COL11A1: variants seen among roughly 807,000 people sequenced by gnomAD.
COL11A1 encodes the protein collagen type XI alpha 1 chain, also known as collagen alpha-1(XI) chain.
Under a neutral mutation model 265.2 loss-of-function variants are expected in COL11A1, and 74 were observed. The ratio of observed to expected loss-of-function variants is 0.28; its 90% CI spans 0.23 to 0.34. The LOEUF is 0.34. COL11A1 is among the 10% of genes least tolerant of loss of function. The pLI is 1.00. For synonymous variants in COL11A1, 816 were observed against 727.6 expected (o/e 1.12, Z -1.96); for missense variants, 2,165 against 2,263.6 (o/e 0.96, Z 0.88).
At chr1:103,059,600 T>G (rs1354946120) in intron 4 of COL11A1, among the ~76,000 whole-genome samples, 1 of 152,102 alleles carries the variant, frequency 6.6e-6, no homozygotes, top group Non-Finnish European at 1.5e-5. Context: ...ATGATTCCCG[T>G]GCTAAGAACT....
intron 3 of COL11A1, among the ~76,000 whole-genome samples, chr1:103,076,406 A>T (rs1362206196): frequency 6.6e-6 from 1 of 152,044 alleles, no homozygotes; most frequent in Non-Finnish European, 1.5e-5. Flanking sequence ...AAAACTATCA[A>T]ATACAATACT....
intron 9 of COL11A1, among the ~76,000 whole-genome samples, chr1:103,021,237 G>C (rs1490994274): frequency 1.3e-5 from 2 of 151,372 alleles, no homozygotes; most frequent in Non-Finnish European, 2.9e-5. Context: ...TTCTTCTGTA[G>C]ATGAAAAGGA....
At chr1:103,103,320 T>G (rs1210693930) in intron 1 of COL11A1, among the ~76,000 whole-genome samples, 1 of 152,016 alleles carries the variant, frequency 6.6e-6, no homozygotes, top group Non-Finnish European at 1.5e-5. Flanking sequence ...ATTTTTTATT[T>G]GAAATAAATA....
At chr1:102,952,593 T>C (rs911148415) in intron 41 of COL11A1, among the ~76,000 whole-genome samples, 4 of 152,182 alleles carry the variant, frequency 2.6e-5, no homozygotes, top group Non-Finnish European at 4.4e-5. Flanking sequence ...AAACAACAGA[T>C]GAAAACAAGA....
At chr1:102,943,479 AC>A (rs760402134) in intron 42 of COL11A1, among the ~76,000 whole-genome samples, 18,736 of 105,076 alleles carry the variant, frequency 0.18, 1,323 homozygotes, top group East Asian at 0.28. Flanking sequence ...ACACACACAC[AC>A]ACACAAACAA....
At chr1:102,926,487 C>T (rs1345570410) in intron 46 of COL11A1, among the ~76,000 whole-genome samples, 1 of 152,018 alleles carries the variant, frequency 6.6e-6, no homozygotes, top group Non-Finnish European at 1.5e-5. Context: ...ATTATAATTG[C>T]TAATATCTAT....
chr1:102,951,202 A>G (rs1659839492), intron 41 of COL11A1, among the ~76,000 whole-genome samples: 1 of 152,160 alleles, frequency 6.6e-6, no homozygotes, highest in South Asian at 2.1e-4. Flanking sequence ...TATTTCTTAT[A>G]CACTTTCTTA....
In COL11A1 at chr1:102,946,921, A is replaced by G. The variant is rs1659351053; in HGVS notation, c.3204T>C (p.Ala1068=). ...SPGERGSAGT[A]GPIGLPGRPG... Reference sequence around the variant, plus strand: ...GGCGCCCTGGTAAACCAATTGGGCCAGCTGTACCTGCTGACCCACGTTCTC... The same window carrying G: ...GGCGCCCTGGTAAACCAATTGGGCCGGCTGTACCTGCTGACCCACGTTCTC... Residue 1068 remains alanine (A), a synonymous_variant, in exon 42 of 67, where the codon GCT becomes GCC. Coordinates refer to ENST00000370096, the MANE Select transcript of COL11A1 (RefSeq NM_001854.4). 6.2e-7 allele frequency: 1 copy of G among 1,613,314 alleles called. No homozygotes were observed.
At position 103,004,671 on chromosome 1, in the gene COL11A1, C is replaced by G. The variant is rs1200960592; in HGVS notation, c.1846-10G>C. 1.2e-6 allele frequency: 2 copies of G among 1,605,992 alleles called. No homozygotes were observed. Among genetic ancestry groups the G allele is most frequent in the African/African-American group, 1.3e-5 (1 of 74,574 alleles). ...GAGGACCTCGTTCACCCTGTTAAAT[C>G]AATACAAATAAGATTAGCATATGGA... On this transcript the variant is annotated splice_polypyrimidine_tract_variant and intron_variant, in intron 18 of 66. Coordinates refer to ENST00000370096, the MANE Select transcript of COL11A1 (RefSeq NM_001854.4).
At chr1:102,913,576 T>A (rs1200327507) in intron 53 of COL11A1, 61 bp downstream of exon 53, 3 of 1,426,482 alleles carry the variant, frequency 2.1e-6, no homozygotes, top group Admixed American at 3.3e-5. Flanking sequence ...CTTCTAATTA[T>A]CTCATTAAAA....
rs564597547 is a variant in COL11A1 at position 103,095,655 on chromosome 1, A to C, written c.106+12418T>G. On this transcript the variant is annotated intron_variant, in intron 1 of 66. Coordinates refer to ENST00000370096, the MANE Select transcript of COL11A1 (RefSeq NM_001854.4). ...TTTCAAAAAATTATCCCCCATACCC[A>C]CTTCCTAATATTTTGGCTCTCTTTC... Among the ~76,000 whole-genome samples the C allele has an allele frequency of 3.3e-5, 5 of 151,992 alleles. No homozygotes were observed. The East Asian group carries it at 9.7e-4, about 29-fold the overall frequency.
chr1:103,050,450 A>G lies in COL11A1; in HGVS notation c.652-19206T>C, dbSNP rs573124965. On this transcript the variant is annotated intron_variant, in intron 4 of 66. Coordinates refer to ENST00000370096, the MANE Select transcript of COL11A1 (RefSeq NM_001854.4). The stretch of plus-strand genomic sequence containing the variant: ...TTCTCGTGCCTTGGTTTTCAGTTCC[A>G]TCAGGTCCTTTAAGGACTTCTCTGC... Among the ~76,000 whole-genome samples, 94 of 152,236 alleles carry G rather than the reference A, an allele frequency of 6.2e-4. 1 individual carries two copies. Among genetic ancestry groups the G allele is most frequent in the African/African-American group, 2.2e-3 (93 of 41,540 alleles).
chr1:103,017,439 G>A (rs1038628200), intron 11 of COL11A1, among the ~76,000 whole-genome samples: 1 of 152,020 alleles, frequency 6.6e-6, no homozygotes, highest in African/African-American at 2.4e-5. Context: ...GTAACCCAGG[G>A]TTTGATCCTC....
At chr1:103,064,700 GAAA>G (rs59331849) in intron 4 of COL11A1, among the ~76,000 whole-genome samples, 4,348 of 123,412 alleles carry the variant, frequency 0.035, 263 homozygotes, top group African/African-American at 0.12. Flanking sequence ...AAAAAAAAAA[GAAA>G]AAAAAAAAAA....
chr1:103,098,262 G>A (rs753714688), intron 1 of COL11A1, among the ~76,000 whole-genome samples: 56 of 151,850 alleles, frequency 3.7e-4, no homozygotes, highest in Non-Finnish European at 7.1e-4. Flanking sequence ...CTACTGCTTA[G>A]CAATAGCATA....
chr1:103,040,148 C>T (rs1668689821), intron 4 of COL11A1, among the ~76,000 whole-genome samples: 1 of 151,750 alleles, frequency 6.6e-6, no homozygotes, highest in African/African-American at 2.4e-5. Flanking sequence ...TTGTTTGTAT[C>T]ATTAATTCCA....
chr1:103,058,456 T>G (rs1670405256), intron 4 of COL11A1, among the ~76,000 whole-genome samples: 1 of 152,196 alleles, frequency 6.6e-6, no homozygotes, highest in African/African-American at 2.4e-5. Flanking sequence ...TATTTTCCTT[T>G]GCATTCATAA....
chr1:103,083,248 C>CTG (rs76992260), intron 1 of COL11A1, among the ~76,000 whole-genome samples: 5,546 of 148,070 alleles, frequency 0.037, 127 homozygotes, highest in African/African-American at 0.063. Flanking sequence ...GTGTCTGTGT[C>CTG]TGTGTGTGTG....
chr1:102,919,346 A>G (rs1278372357), intron 49 of COL11A1, among the ~76,000 whole-genome samples: 1 of 19,436 alleles, frequency 5.1e-5, no homozygotes, highest in African/African-American at 5.6e-5. Context: ...ATATAATAAC[A>G]ATCTAATCTT....
Sources: gnomAD v4.1 joint callset for allele counts (sites outside exome capture counted in the v4.1 genomes callset) on GRCh38, gnomAD v4.1.1 for gene constraint, MANE v1.5 for transcripts, NCBI Gene and HGNC (gene_info 2026-07-23, HGNC 2026-07-21) for gene names.